Variants in COL22A1 observed in about 807,000 individuals in gnomAD.
The protein encoded by COL22A1 is collagen type XXII alpha 1 chain, also known as collagen alpha-1(XXII) chain.
Under a neutral mutation model 248.9 loss-of-function variants are expected in COL22A1, and 221 were observed. That is an observed-to-expected ratio of 0.89 (90% CI 0.80 to 0.99). The LOEUF is 0.99. Ranked by LOEUF, COL22A1 falls within the 50% of genes least tolerant of loss-of-function variation. COL22A1 has a pLI of 0.00. For missense variants in COL22A1, 2,240 were observed against 2,179.0 expected (o/e 1.03, Z -0.56); for synonymous variants, 891 against 793.4 (o/e 1.12, Z -2.07).
At chr8:138,652,633 G>A (rs988713281) in intron 45 of COL22A1, among the ~76,000 whole-genome samples, 2 of 150,382 alleles carry the variant, frequency 1.3e-5, no homozygotes, top group Non-Finnish European at 2.9e-5. Flanking sequence ...CATACAAAGT[G>A]CCTAGCATAT....
chr8:138,862,042 A>AAAAAT (rs1822518241), intron 3 of COL22A1, among the ~76,000 whole-genome samples: 1 of 147,294 alleles, frequency 6.8e-6, no homozygotes, highest in African/African-American at 2.5e-5. Context: ...AAAAAAAAAA[A>AAAAAT]AAAAAGAAAA....
chr8:138,830,136 G>A (rs1819923566), intron 5 of COL22A1, among the ~76,000 whole-genome samples: 1 of 152,218 alleles, frequency 6.6e-6, no homozygotes, highest in South Asian at 2.1e-4. Context: ...GATGGCAGTG[G>A]AAGGGTAAAT....
intron 7 of COL22A1, among the ~76,000 whole-genome samples, chr8:138,816,669 G>A (rs1818711660): frequency 6.6e-6 from 1 of 152,176 alleles, no homozygotes; most frequent in Non-Finnish European, 1.5e-5. Flanking sequence ...CTGTGAGATG[G>A]ACTCACAGGG....
rs200319328 is a variant in COL22A1, at chr8:138,700,092, G to A, written c.2592+20C>T. On this transcript the variant is annotated intron_variant, in intron 32 of 64. Transcript: ENST00000303045. ...CAGGCCGAGGCACACTGGGCACCCC[G>A]AGGCACCGCTACTACTTACGGGCAT... is the stretch of plus-strand genomic sequence containing the variant. 136 of 1,612,418 alleles carry A rather than the reference G, an allele frequency of 8.4e-5. No individual in the cohort carries two copies. Among genetic ancestry groups the A allele is most frequent in the East Asian group, 3.1e-4 (14 of 44,834 alleles).
At chr8:138,601,099 C>A (rs1019037571) in intron 60 of COL22A1, among the ~76,000 whole-genome samples, 3 of 151,850 alleles carry the variant, frequency 2.0e-5, no homozygotes, top group Non-Finnish European at 2.9e-5. Flanking sequence ...GGTCTGAGTT[C>A]CTTGGCTCTC....
At chr8:138,701,010 A>AG (rs1827920968) in intron 31 of COL22A1, among the ~76,000 whole-genome samples, 2 of 151,344 alleles carry the variant, frequency 1.3e-5, no homozygotes, top group African/African-American at 4.8e-5. Flanking sequence ...AAAAAAAAAA[A>AG]AGGCTTCTCA....
At chr8:138,852,311 C>T (rs926964705) in intron 3 of COL22A1, among the ~76,000 whole-genome samples, 1 of 151,884 alleles carries the variant, frequency 6.6e-6, no homozygotes, top group Non-Finnish European at 1.5e-5. Flanking sequence ...GTGACTTGTT[C>T]CTTGTGGTGG....
At chr8:138,846,575 G>A (rs546779723) in intron 3 of COL22A1, among the ~76,000 whole-genome samples, 1 of 152,296 alleles carries the variant, frequency 6.6e-6, no homozygotes, top group South Asian at 2.1e-4. Flanking sequence ...GGTTAAGTCA[G>A]AACAAATAGC....
intron 21 of COL22A1, among the ~76,000 whole-genome samples, chr8:138,752,663 A>G (rs1006734640): frequency 1.3e-5 from 2 of 152,202 alleles, no homozygotes; most frequent in Non-Finnish European, 2.9e-5. Flanking sequence ...AGCCTGTTTC[A>G]TCTTAGGGAA....
chr8:138,674,894 G>A (rs928660403), intron 41 of COL22A1, among the ~76,000 whole-genome samples: 11 of 152,030 alleles, frequency 7.2e-5, no homozygotes, highest in South Asian at 2.1e-4. Context: ...GTGTTCTCTC[G>A]CTGCACTTAT....
intron 23 of COL22A1, 41 bp from the exon 24 acceptor site, chr8:138,725,481 G>C: frequency 6.4e-7 from 1 of 1,568,820 alleles, no homozygotes; most frequent in Non-Finnish European, 8.7e-7. Flanking sequence ...GATGGGTCCT[G>C]ATGAGCCTCC....
In COL22A1 at chr8:138,877,953, C is replaced by T; in HGVS notation, c.455G>A (p.Gly152Asp). The T allele has an allele frequency of 1.3e-6, 2 of 1,596,102 alleles. No individual in the cohort carries two copies. Among genetic ancestry groups the T allele is most frequent in the Non-Finnish European group, 1.7e-6 (2 of 1,171,144 alleles). ...YKQVAILLTD[G>D]RSQDLVLDAA... ...GTCCAGCACCAGGTCCTGGCTGCGG[C>T]CGTCGGTGAGCAGGATGGCCACCTG... The change falls in exon 3 of 65, where the codon GGC becomes GAC. Residue 152 changes from glycine (G) to aspartate (D), a missense_variant. By Grantham distance (94) the Gly-to-Asp change is moderately conservative. Coordinates refer to ENST00000303045, the MANE Select transcript of COL22A1 (RefSeq NM_152888.3).
At chr8:138,696,053 A>T (rs1401679255) in intron 32 of COL22A1, among the ~76,000 whole-genome samples, 1 of 152,170 alleles carries the variant, frequency 6.6e-6, no homozygotes, top group African/African-American at 2.4e-5. Flanking sequence ...ATATCTGCAA[A>T]ATAAAGAGGT....
chr8:138,697,847 C>A (rs748245271), intron 32 of COL22A1, among the ~76,000 whole-genome samples: 1 of 152,228 alleles, frequency 6.6e-6, no homozygotes, highest in Admixed American at 6.5e-5. Flanking sequence ...GCCATGGTGA[C>A]GAAGCCAGTC....
chr8:138,883,063 C>G lies in COL22A1; in HGVS notation c.91+19G>C. ...GCTCTGTCCCCAGCACAGCATGGCA[C>G]AGCCCACGGTGGCCCCACCTGCCCG... is the stretch of plus-strand genomic sequence containing the variant. On this transcript the variant is annotated intron_variant, in intron 2 of 64. Coordinates refer to ENST00000303045, the MANE Select transcript of COL22A1 (RefSeq NM_152888.3). 6.4e-7 allele frequency: 1 copy of G among 1,558,950 alleles called. No individual in the cohort carries two copies. Among genetic ancestry groups the G allele is most frequent in the Non-Finnish European group, 8.7e-7 (1 of 1,154,022 alleles).
chr8:138,619,555 A>G (rs773007557), intron 52 of COL22A1, 47 bp from the exon 53 acceptor site: 69 of 1,556,380 alleles, frequency 4.4e-5, no homozygotes, highest in Admixed American at 1.8e-4. Flanking sequence ...CATTGTAAGA[A>G]TCTTCCTATT....
chr8:138,834,452 C>A (rs1202590609), intron 4 of COL22A1, among the ~76,000 whole-genome samples: 1 of 152,050 alleles, frequency 6.6e-6, no homozygotes, highest in Non-Finnish European at 1.5e-5. Flanking sequence ...TTTATTCATT[C>A]ATGCTTTTGA....
rs1432322038 is a variant in COL22A1, at chr8:138,751,492, C to G, written c.2051G>C (p.Gly684Ala). ...TTGCAAACCAGGAGGTCCATCCCTG[C>G]CTTCTGGGCCTATTGGACCCTTTAG... ...PGARGPIGPE[G>A]RDGPPGLQGL... Residue 684 changes from glycine (G) to alanine (A), a missense_variant, in exon 22 of 65, where the codon GGC becomes GCC. Transcript: ENST00000303045. The G allele has an allele frequency of 1.2e-6, 2 of 1,612,194 alleles. No homozygotes were observed. The highest frequency in any genetic ancestry group is 2.7e-5 in the African/African-American group (2 of 74,924).
chr8:138,647,641 T>C (rs1000007487), intron 46 of COL22A1, among the ~76,000 whole-genome samples: 2 of 152,158 alleles, frequency 1.3e-5, no homozygotes, highest in East Asian at 1.9e-4. Flanking sequence ...CTGTAATACC[T>C]GGAGTGTCAG....
Sources: allele counts gnomAD v4.1 joint callset (sites outside exome capture counted in the v4.1 genomes callset), GRCh38; gene constraint gnomAD v4.1.1; transcripts MANE v1.5; gene names NCBI Gene and HGNC (gene_info 2026-07-23, HGNC 2026-07-21).